Variants in STK11 observed in about 807,000 individuals in gnomAD.
STK11 encodes the protein serine/threonine kinase 11.
Under a neutral mutation model 47.3 loss-of-function variants are expected in STK11, and 8 were observed. That is an observed-to-expected ratio of 0.17 (90% confidence interval 0.10 to 0.31). The LOEUF (loss-of-function observed/expected upper bound fraction) is 0.31. Ranked by LOEUF, STK11 falls within the 10% of genes least tolerant of loss-of-function variation. STK11 has a pLI of 1.00. For missense variants in STK11, 475 were observed against 605.0 expected (o/e 0.79, Z 2.25); for synonymous variants, 330 against 255.8 (o/e 1.29, Z -2.77).
Position 1,206,649 on chromosome 19 carries a change from C to T in STK11, c.-265C>T. 1.9e-6 allele frequency: 1 copy of T among 525,898 alleles called. No homozygotes were observed. The allele number at this position is 525,898 out of a possible 1,614,324, so 32.6% of individuals were successfully genotyped here. A position where few individuals can be genotyped will look rare whatever the true frequency, so the allele number is the denominator to read the frequency against. On this transcript the variant is annotated 5_prime_UTR_variant, in exon 1 of 10. Transcript: ENST00000326873. The stretch of plus-strand genomic sequence containing the variant: ...TTCTGAGGCCCGGGTCCCACTGGAA[C>T]TCGCGTCTGAGCCGCCGTCCCGGAC...
rs766345051 is a variant in STK11, at chr19:1,219,447, G to T, written c.464+34G>T. ...GCGGGGCAGGGGCCAGGGTGGGGCGGGGGCCGGGGGCCAGGCAGGGCAGGC... is the reference window on the plus strand; with the variant it reads ...GCGGGGCAGGGGCCAGGGTGGGGCGTGGGCCGGGGGCCAGGCAGGGCAGGC... On this transcript the variant is annotated intron_variant, in intron 3 of 9. Coordinates refer to ENST00000326873, the MANE Select transcript of STK11 (RefSeq NM_000455.5). 3.8e-5 allele frequency: 59 copies of T among 1,543,824 alleles called. No homozygotes were observed. The highest frequency in any genetic ancestry group is 5.9e-5 in the Admixed American group (3 of 51,060).
At position 1,226,629 on chromosome 19, in the gene STK11, G is replaced by A. The variant is rs369097329; in HGVS notation, c.1284G>A (p.Ser428=). Residue 428 remains serine, a synonymous_variant, in exon 9 of 10, where the codon TCG becomes TCA. Transcript: ENST00000326873. Reference sequence around the variant, plus strand: ...CCAGCAGCAAGATCCGCCGGCTGTCGGCCTGCAAGCAGCAGTGAGGCTGGC... The same window carrying A: ...CCAGCAGCAAGATCCGCCGGCTGTCAGCCTGCAAGCAGCAGTGAGGCTGGC... ...CSASSKIRRL[S]ACKQQ 136 of 1,542,458 alleles carry A rather than the reference G, an allele frequency of 8.8e-5. No homozygotes were observed. In the African/African-American group the frequency reaches 1.1e-3, roughly 12 times the overall value.
chr19:1,213,603 C>T (rs771401790), intron 1 of STK11, among the ~76,000 whole-genome samples: 3 of 152,244 alleles, frequency 2.0e-5, no homozygotes, highest in Non-Finnish European at 4.4e-5. Flanking sequence ...GGGTCCGAAC[C>T]TCTCTGCTGT....
chr19:1,224,790 C>T (rs2080809434), intron 8 of STK11: 5 of 985,522 alleles, frequency 5.1e-6, no homozygotes, highest in African/African-American at 1.7e-5. Flanking sequence ...GGGGAAGGGC[C>T]GCCAGACCAC....
chr19:1,211,477 G>A (rs969445670), intron 1 of STK11, among the ~76,000 whole-genome samples: 1 of 151,586 alleles, frequency 6.6e-6, no homozygotes, highest in African/African-American at 2.4e-5. Context: ...GGGGGTGCAG[G>A]CAGAAGGCCG....
chr19:1,225,422 A>G (rs1295619076), intron 8 of STK11: 6 of 778,660 alleles, frequency 7.7e-6, no homozygotes, highest in Non-Finnish European at 9.4e-6. Flanking sequence ...AGTGCGCGCC[A>G]GCATGCCCGG....
chr19:1,225,197 C>G (rs2080812380), intron 8 of STK11: 1 of 985,406 alleles, frequency 1.0e-6, no homozygotes, highest in African/African-American at 1.7e-5. Context: ...TCCACAGGGT[C>G]TGCCCCACCA....
Position 1,223,038 on chromosome 19 carries a change from G to C in STK11, c.974G>C (p.Ser325Thr), listed in dbSNP as rs587781643. 4 of 1,596,852 alleles carry C rather than the reference G, an allele frequency of 2.5e-6. No individual in the cohort carries two copies. The highest frequency in any genetic ancestry group is 2.3e-5 in the East Asian group (1 of 44,076). Reference sequence around the variant, plus strand: ...GAAGCACCAGTGCCCATCCCACCGAGCCCAGACACCAAGGACCGGTGGCGC... The same window carrying C: ...GAAGCACCAGTGCCCATCCCACCGACCCCAGACACCAAGGACCGGTGGCGC... ...PAEAPVPIPP[S>T]PDTKDRWRSM... The change falls in exon 8 of 10, where the codon AGC becomes ACC. Residue 325 changes from serine (S) to threonine (T), a missense_variant. Physicochemically the swap from Ser to Thr is moderately conservative, Grantham distance 58 (BLOSUM62 1). Transcript: ENST00000326873.
rs1463819473 is a variant in STK11, at chr19:1,227,987, T to G, written c.*411T>G. The G allele has an allele frequency of 9.4e-7, 1 of 1,068,402 alleles. No individual in the cohort carries two copies. The highest frequency in any genetic ancestry group is 1.6e-5 in the African/African-American group (1 of 61,038). The allele number at this position is 1,068,402 out of a possible 1,614,324, so 66.2% of individuals were successfully genotyped here. A position where few individuals can be genotyped will look rare whatever the true frequency, so the allele number is the denominator to read the frequency against. On this transcript the variant is annotated 3_prime_UTR_variant, in exon 10 of 10. Coordinates refer to ENST00000326873, the MANE Select transcript of STK11 (RefSeq NM_000455.5). ...GGAGACCAGGCTCCTGACCCCGCCATGCATGCAGCGCCACCTGGAAGCCGC... is the reference window on the plus strand; with the variant it reads ...GGAGACCAGGCTCCTGACCCCGCCAGGCATGCAGCGCCACCTGGAAGCCGC...
rs2080838933 is a variant in STK11 at position 1,227,939 on chromosome 19, G to A, written c.*363G>A. 2.8e-6 allele frequency: 3 copies of A among 1,070,210 alleles called. No individual in the cohort carries two copies. Among genetic ancestry groups the A allele is most frequent in the African/African-American group, 1.6e-5 (1 of 61,058 alleles). 66.3% of individuals were successfully genotyped at this position (1,070,210 alleles called of 1,614,324 possible). Reference sequence around the variant, plus strand: ...GCGCCCAGCGCCGTCCGGCGGCCCCGCCGCAGACCAGCTGGCGGGTGTGGA... The same window carrying A: ...GCGCCCAGCGCCGTCCGGCGGCCCCACCGCAGACCAGCTGGCGGGTGTGGA... On this transcript the variant is annotated 3_prime_UTR_variant, in exon 10 of 10. Coordinates refer to ENST00000326873, the MANE Select transcript of STK11 (RefSeq NM_000455.5).
At chr19:1,217,561 C>G (rs3795063) in intron 1 of STK11, among the ~76,000 whole-genome samples, 39,665 of 151,868 alleles carry the variant, frequency 0.26, 6,340 homozygotes, top group East Asian at 0.44. Flanking sequence ...GGCAGGTGGG[C>G]GTGGCCAACT....
At chr19:1,224,163 C>T in intron 8 of STK11, 1 of 986,604 alleles carries the variant, frequency 1.0e-6, no homozygotes, top group Non-Finnish European at 1.2e-6. Flanking sequence ...AGTGTGGGGG[C>T]CCCCGAGAGC....
chr19:1,227,495 C>T (rs1192036453), intron 9 of STK11, 98 bp from the exon 10 acceptor site: 10 of 1,055,146 alleles, frequency 9.5e-6, no homozygotes, highest in Admixed American at 1.1e-4. Flanking sequence ...CCGGTAGCCC[C>T]ATGACTGTAC....
intron 1 of STK11, among the ~76,000 whole-genome samples, chr19:1,212,633 T>G (rs1302123843): frequency 6.6e-6 from 1 of 152,202 alleles, no homozygotes; most frequent in African/African-American, 2.4e-5. Flanking sequence ...TGGCACGATC[T>G]TGGCTCACTG....
intron 1 of STK11, among the ~76,000 whole-genome samples, chr19:1,215,326 C>T (rs1292062704): frequency 6.6e-6 from 1 of 152,250 alleles, no homozygotes; most frequent in East Asian, 1.9e-4. Flanking sequence ...AAACACAGGG[C>T]TTCTCAGCGA....
At chr19:1,222,835 T>G in intron 7 of STK11, 150 bp from the exon 8 acceptor site, 1 of 876,040 alleles carries the variant, frequency 1.1e-6, no homozygotes, top group Non-Finnish European at 1.7e-6. Flanking sequence ...AGGACATGGC[T>G]GAGCTTCTGT....
At chr19:1,213,424 A>G (rs1300517440) in intron 1 of STK11, among the ~76,000 whole-genome samples, 2 of 152,142 alleles carry the variant, frequency 1.3e-5, no homozygotes, top group African/African-American at 4.8e-5. Flanking sequence ...TCTGTCAGCC[A>G]TCACTCCCCA....
rs115624397 is a variant in STK11, at chr19:1,220,758, T to C, written c.734+41T>C. 6,104 of 1,567,632 alleles carry C rather than the reference T, an allele frequency of 3.9e-3. 213 individuals carry two copies. In the African/African-American group the frequency reaches 0.072, roughly 19 times the overall value. On this transcript the variant is annotated intron_variant, in intron 5 of 9. Transcript: ENST00000326873. ...CCCCGGGCACTCACCACACGCACACTCCGAGGGGCCTCTGCGTCTTGGGCA... is the reference window on the plus strand; with the variant it reads ...CCCCGGGCACTCACCACACGCACACCCCGAGGGGCCTCTGCGTCTTGGGCA...
intron 8 of STK11, chr19:1,225,053 G>A (rs556227806): frequency 1.0e-6 from 1 of 985,874 alleles, no homozygotes; most frequent in African/African-American, 1.7e-5. Context: ...CCAGGATGCG[G>A]GTCCTGCTGC....
Sources: gnomAD v4.1 joint callset for allele counts (sites outside exome capture counted in the v4.1 genomes callset) on GRCh38, gnomAD v4.1.1 for gene constraint, MANE v1.5 for transcripts, NCBI Gene and HGNC (gene_info 2026-07-23, HGNC 2026-07-21) for gene names.